The following KAT6A variants were observed in gnomAD, a reference collection of about 807,000 sequenced individuals.
The protein encoded by KAT6A is histone acetyltransferase KAT6A.
KAT6A carries 9 observed loss-of-function variants against 198.4 expected under a neutral mutation model. The observed-to-expected ratio is 0.05, with a 90% CI of 0.03 to 0.08. KAT6A has a LOEUF of 0.08. Ranked by LOEUF, KAT6A falls within the 10% of genes least tolerant of loss-of-function variation. The pLI is 1.00. For synonymous variants in KAT6A, 890 were observed against 883.0 expected, an observed-to-expected ratio of 1.01 and a Z score of -0.14; for missense variants, 2,077 against 2,509.9, an observed-to-expected ratio of 0.83 and a Z score of 3.69.
chr8:42,037,248 T>C (rs1473143477), intron 2 of KAT6A, among the ~76,000 whole-genome samples: 3 of 152,172 alleles, frequency 2.0e-5, no homozygotes, highest in East Asian at 3.8e-4. Context: ...TTTGGATTTA[T>C]GTTACAGAAT....
At chr8:42,007,961 C>CA (rs988491987) in intron 2 of KAT6A, among the ~76,000 whole-genome samples, 13,743 of 42,344 alleles carry the variant, frequency 0.32, 2,651 homozygotes, top group Non-Finnish European at 0.43. Context: ...GACTCCGTCT[C>CA]AAAAAAAAAA....
intron 14 of KAT6A, chr8:41,942,378 T>C: frequency 4.0e-6 from 1 of 251,710 alleles, no homozygotes; most frequent in South Asian, 1.1e-4. Flanking sequence ...ACTCCTAATC[T>C]CAAGCAATCC....
At position 41,933,776 on chromosome 8, in the gene KAT6A, G is replaced by A. The variant is rs767163478; in HGVS notation, c.4444C>T (p.Pro1482Ser). The change falls in exon 17 of 17, where the codon CCT becomes TCT. Residue 1482 changes from proline (P) to serine (S), a missense_variant. Transcript: ENST00000265713. The surrounding 1 kb of genome is among the most constrained non-coding windows in gnomAD (Gnocchi z 6.2). ...GGGTGAGACTGAACGGAGGAGATAG[G>A]GCTATTATGTTCTGACGCATGACAG... ...EDCHASEHNSPISSVQSHPSQ... is the reference protein window; with the variant it reads ...EDCHASEHNSSISSVQSHPSQ... 7 of 1,614,072 alleles carry A rather than the reference G, an allele frequency of 4.3e-6. No homozygotes were observed. Among genetic ancestry groups the A allele is most frequent in the East Asian group, 2.2e-5 (1 of 44,846 alleles).
At position 41,932,973 on chromosome 8, in the gene KAT6A, G is replaced by C. The variant is rs369122907; in HGVS notation, c.5247C>G (p.Ala1749=). The C allele has an allele frequency of 1.2e-6, 2 of 1,614,020 alleles. No individual in the cohort carries two copies. Among genetic ancestry groups the C allele is most frequent in the Non-Finnish European group, 1.7e-6 (2 of 1,180,006 alleles). Residue 1749 remains alanine, a synonymous_variant, in exon 17 of 17, where the codon GCC becomes GCG. Coordinates refer to ENST00000265713, the MANE Select transcript of KAT6A (RefSeq NM_006766.5). Reference sequence around the variant, plus strand: ...GCTGCAGCTTGGCTAGGCTGAAGGTGGCTGATGGTTGAGAGTAGCTGCCGG... The same window carrying C: ...GCTGCAGCTTGGCTAGGCTGAAGGTCGCTGATGGTTGAGAGTAGCTGCCGG... ...FGAGSYSQPS[A]TFSLAKLQQL... is the part of the protein sequence containing the mutation.
chr8:41,934,401 T>C lies in KAT6A; in HGVS notation c.3819A>G (p.Glu1273=), dbSNP rs372979883. Residue 1273 remains glutamate (E), a synonymous_variant, in exon 17 of 17, where the codon GAA becomes GAG. Transcript: ENST00000265713. The part of the protein sequence containing the change: ...TETKEPEVEE[E]EEKPRVSEEQ... ...CCTCTGAGACACGGGGCTTCTCTTC[T>C]TCCTCCTCCACCTCAGGCTCCTTGG... 26 of 1,613,062 alleles carry C rather than the reference T, an allele frequency of 1.6e-5. 1 individual carries two copies. Among genetic ancestry groups the C allele is most frequent in the East Asian group, 1.1e-4 (5 of 44,860 alleles).
At chr8:41,953,849 T>G (rs749618083) in intron 9 of KAT6A, among the ~76,000 whole-genome samples, 2 of 152,236 alleles carry the variant, frequency 1.3e-5, no homozygotes, top group Non-Finnish European at 2.9e-5. Context: ...CTGTAGGTAG[T>G]TGAGGAAGTT....
intron 7 of KAT6A, among the ~76,000 whole-genome samples, chr8:41,975,690 A>G (rs1824017183): frequency 6.6e-6 from 1 of 152,180 alleles, no homozygotes; most frequent in Admixed American, 6.5e-5. Flanking sequence ...TCTCTAATAC[A>G]GCATTCGGTA....
At chr8:41,966,572 T>A (rs1168318503) in intron 8 of KAT6A, among the ~76,000 whole-genome samples, 2 of 152,222 alleles carry the variant, frequency 1.3e-5, no homozygotes, top group South Asian at 2.1e-4. Context: ...GCCCTAGTTC[T>A]CTCCATCTAC....
intron 5 of KAT6A, 148 bp downstream of exon 5, chr8:41,980,698 C>T: frequency 1.5e-6 from 1 of 651,864 alleles, no homozygotes; most frequent in South Asian, 1.7e-5. Context: ...ACTATCCCCC[C>T]ACCTTTTAAG....
Position 42,014,052 on chromosome 8 carries a change from T to A in KAT6A, c.601-26489A>T, listed in dbSNP as rs577151075. On this transcript the variant is annotated intron_variant, in intron 2 of 16. Transcript: ENST00000265713. ...ACAACTTTACTTATGGACACTGAAA[T>A]CTGAATTACATATGATTTGCATGTG... Among the ~76,000 whole-genome samples, 6 of 152,274 alleles carry A rather than the reference T, an allele frequency of 3.9e-5. No homozygotes were observed. In the South Asian group the frequency reaches 1.2e-3, roughly 32 times the overall value.
At chr8:42,009,894 C>CAAAAAAAAAAAAAAAAAAAAAAA (rs538642816) in intron 2 of KAT6A, among the ~76,000 whole-genome samples, 1 of 49,062 alleles carries the variant, frequency 2.0e-5, no homozygotes, top group African/African-American at 8.3e-5. Context: ...AGCCCTGTCT[C>CAAAAAAAAAAAAAAAAAAAAAAA]AAAAAAAAAA....
At chr8:41,985,972 C>T (rs1247008259) in intron 3 of KAT6A, among the ~76,000 whole-genome samples, 2 of 152,032 alleles carry the variant, frequency 1.3e-5, no homozygotes, top group Non-Finnish European at 2.9e-5. Context: ...GACAGAGTCT[C>T]GCTCTGTTGC....
intron 2 of KAT6A, among the ~76,000 whole-genome samples, chr8:41,997,322 C>T (rs748837503): frequency 5.9e-5 from 9 of 151,896 alleles, no homozygotes; most frequent in Non-Finnish European, 1.3e-4. Flanking sequence ...ATCTTGAAAC[C>T]TGTATTTTTA....
At position 41,932,923 on chromosome 8, in the gene KAT6A, G is replaced by A. The variant is rs1192762401; in HGVS notation, c.5297C>T (p.Pro1766Leu). The change falls in exon 17 of 17, where the codon CCT (proline) becomes CTT (leucine). Residue 1766 changes from proline (P) to leucine (L), a missense_variant. Coordinates refer to ENST00000265713, the MANE Select transcript of KAT6A (RefSeq NM_006766.5). ...LQQLTNTIMD[P>L]HAMPYSHSPA... ...AGAATGGCTATAAGGCATGGCATGA[G>A]GGTCCATAATGGTGTTGGTCAGCTG... 1 of 1,614,176 alleles carries A rather than the reference G, an allele frequency of 6.2e-7. No homozygotes were observed. The highest frequency in any genetic ancestry group is 8.5e-7 in the Non-Finnish European group (1 of 1,180,030).
chr8:41,991,041 C>T (rs1462109094), intron 2 of KAT6A, among the ~76,000 whole-genome samples: 1 of 149,238 alleles, frequency 6.7e-6, no homozygotes, highest in East Asian at 2.0e-4. Flanking sequence ...ACATGCACTG[C>T]TGACAGGAAT....
In KAT6A at chr8:41,936,041, C is replaced by T. The variant is rs1212894560; in HGVS notation, c.3353-1174G>A. Among the ~76,000 whole-genome samples the T allele has an allele frequency of 2.6e-5, 4 of 152,252 alleles. No individual in the cohort carries two copies. In the South Asian group the frequency reaches 8.3e-4, roughly 32 times the overall value. On this transcript the variant is annotated intron_variant, in intron 16 of 16. Transcript: ENST00000265713. ...CTTTGGGAGTCCAAGGCGGGTGGAT[C>T]ACTTGAGGTCAGGAGTTTGAGACCA...
At chr8:42,014,406 C>T (rs776512546) in intron 2 of KAT6A, among the ~76,000 whole-genome samples, 1 of 152,144 alleles carries the variant, frequency 6.6e-6, no homozygotes, top group Non-Finnish European at 1.5e-5. Flanking sequence ...TATATATATC[C>T]AAGGCCAAAC....
At chr8:41,952,225 G>A (rs1822702568) in intron 9 of KAT6A, among the ~76,000 whole-genome samples, 1 of 152,198 alleles carries the variant, frequency 6.6e-6, no homozygotes, top group Non-Finnish European at 1.5e-5. Context: ...TAATCAAACT[G>A]GTTCTAGTGA....
At chr8:42,015,204 G>A (rs1340881336) in intron 2 of KAT6A, among the ~76,000 whole-genome samples, 3 of 152,186 alleles carry the variant, frequency 2.0e-5, no homozygotes, top group Non-Finnish European at 4.4e-5. Flanking sequence ...TGCCCCTTCT[G>A]TGCTAAAAAG....
Sources: gnomAD v4.1 joint callset for allele counts (sites outside exome capture counted in the v4.1 genomes callset) on GRCh38, gnomAD v4.1.1 for gene constraint, Gnocchi (gnomAD v3.1) non-coding constraint, MANE v1.5 for transcripts, NCBI Gene and HGNC (gene_info 2026-07-23, HGNC 2026-07-21) for gene names.